Variants in CD6 observed in about 807,000 individuals in gnomAD.
CD6 encodes CD6 molecule.
Under a neutral mutation model 75.3 loss-of-function variants are expected in CD6, and 53 were observed. That is an observed-to-expected ratio of 0.70 (90% CI 0.56 to 0.88). CD6 has a LOEUF of 0.88. Among genes scored for constraint, CD6 ranks in the 40% least tolerant of loss-of-function variants. CD6 has a pLI of 0.00. For synonymous variants in CD6, 359 were observed against 381.5 expected, an observed-to-expected ratio of 0.94 and a Z score of 0.69; for missense variants, 770 against 897.1, an observed-to-expected ratio of 0.86 and a Z score of 1.81.
intron 7 of CD6, 86 bp downstream of exon 7, chr11:61,013,649 A>G (rs894192415): frequency 7.6e-6 from 11 of 1,447,288 alleles, no homozygotes; most frequent in South Asian, 3.7e-5. Flanking sequence ...TGGTCCAGCA[A>G]TGACCACCCG....
At chr11:60,991,145 CTTTCTTTTTTTTTTTTT>C (rs1043366812) in intron 1 of CD6, among the ~76,000 whole-genome samples, 2 of 85,790 alleles carry the variant, frequency 2.3e-5, no homozygotes, top group African/African-American at 1.0e-4. Flanking sequence ...TTTTCTTTTT[CTTTCTTTTTTTTTTTTT>C]TTTTTGAGAC....
intron 6 of CD6, among the ~76,000 whole-genome samples, chr11:61,012,318 C>T (rs753622905): frequency 3.3e-5 from 5 of 152,200 alleles, no homozygotes; most frequent in African/African-American, 4.8e-5. Flanking sequence ...CCAGGGACCA[C>T]ACCCCGGCCC....
intron 9 of CD6, among the ~76,000 whole-genome samples, chr11:61,016,328 A>G (rs1859404016): frequency 6.6e-6 from 1 of 152,210 alleles, no homozygotes; most frequent in African/African-American, 2.4e-5. Flanking sequence ...AAGAGGAAAG[A>G]TAACGCTGAA....
At chr11:61,018,773 G>A (rs949208374) in intron 12 of CD6, 25 of 273,070 alleles carry the variant, frequency 9.2e-5, no homozygotes, top group African/African-American at 4.7e-4. Flanking sequence ...AGCTATGATC[G>A]TATCACTGTG....
intron 3 of CD6, among the ~76,000 whole-genome samples, chr11:61,008,119 CTCCACCCCCACACTTGGT>C (rs1310006689): frequency 6.6e-6 from 1 of 152,128 alleles, no homozygotes; most frequent in Non-Finnish European, 1.5e-5. Context: ...GGCCTCCAGA[CTCCACCCCCACACTTGGT>C]TCCTAGTCCC....
chr11:61,009,817 C>G lies in CD6; in HGVS notation c.1027C>G (p.Arg343Gly), dbSNP rs762986173. The change falls in exon 5 of 13, where the codon CGG becomes GGG. Residue 343 changes from arginine to glycine, a missense_variant. Physicochemically the swap from Arg to Gly is moderately radical, Grantham distance 125. Coordinates refer to ENST00000313421, the MANE Select transcript of CD6 (RefSeq NM_006725.5). ...GCTCACCCTCTCCAACTGCTCCTGGCGGTTCAACAACTCCAACCTCTGCAG... is the reference window on the plus strand; with the variant it reads ...GCTCACCCTCTCCAACTGCTCCTGGGGGTTCAACAACTCCAACCTCTGCAG... Reference protein sequence around the residue: ...EELTLSNCSWRFNNSNLCSQS... With the variant: ...EELTLSNCSWGFNNSNLCSQS... The G allele has an allele frequency of 6.3e-7, 1 of 1,596,370 alleles. No individual in the cohort carries two copies. The highest frequency in any genetic ancestry group is 1.1e-5 in the South Asian group (1 of 88,206).
At chr11:60,994,221 G>T (rs1371613052) in intron 1 of CD6, among the ~76,000 whole-genome samples, 1 of 152,052 alleles carries the variant, frequency 6.6e-6, no homozygotes, top group Non-Finnish European at 1.5e-5. Context: ...CAGGGGGATT[G>T]CTTGAGCTTA....
intron 1 of CD6, among the ~76,000 whole-genome samples, chr11:60,988,873 C>T (rs1019890424): frequency 6.6e-6 from 1 of 152,200 alleles, no homozygotes; most frequent in Non-Finnish European, 1.5e-5. Context: ...GGGCAGGCCC[C>T]CTGGAAAATC....
intron 1 of CD6, among the ~76,000 whole-genome samples, chr11:60,988,413 A>G (rs2135058114): frequency 6.6e-6 from 1 of 152,326 alleles, no homozygotes; most frequent in East Asian, 1.9e-4. Flanking sequence ...GGTGGCCACA[A>G]AGCATTAGTC....
At chr11:60,986,583 C>T (rs918739798) in intron 1 of CD6, among the ~76,000 whole-genome samples, 14 of 152,232 alleles carry the variant, frequency 9.2e-5, no homozygotes, top group African/African-American at 3.4e-4. Context: ...ACCATGTCAA[C>T]ATAGTGTTGA....
chr11:60,972,665 C>A (rs1459706930), intron 1 of CD6, among the ~76,000 whole-genome samples: 1 of 152,184 alleles, frequency 6.6e-6, no homozygotes, highest in Non-Finnish European at 1.5e-5. Context: ...CGAGCTCTCA[C>A]ATTTTGGGAT....
At chr11:60,977,012 A>G (rs1318622132) in intron 1 of CD6, among the ~76,000 whole-genome samples, 1 of 152,086 alleles carries the variant, frequency 6.6e-6, no homozygotes, top group East Asian at 1.9e-4. Context: ...CAGGTCAATG[A>G]CTGATGACAG....
intron 1 of CD6, among the ~76,000 whole-genome samples, chr11:60,973,200 C>T (rs1027451157): frequency 6.6e-6 from 1 of 152,236 alleles, no homozygotes; most frequent in Admixed American, 6.5e-5. Flanking sequence ...GGGCCAGGGG[C>T]TGAGCTAGGC....
At chr11:60,999,015 G>A (rs542047649) in intron 1 of CD6, among the ~76,000 whole-genome samples, 47 of 152,136 alleles carry the variant, frequency 3.1e-4, no homozygotes, top group African/African-American at 9.9e-4. Flanking sequence ...TAAATTAGGC[G>A]GGCATGGTGG....
intron 1 of CD6, among the ~76,000 whole-genome samples, chr11:60,979,095 G>A (rs1411322855): frequency 6.6e-6 from 1 of 152,184 alleles, no homozygotes; most frequent in African/African-American, 2.4e-5. Flanking sequence ...CCTGAGCTTG[G>A]GTCTCCCAGC....
chr11:61,006,728 G>T, intron 2 of CD6, 86 bp downstream of exon 2: 1 of 1,115,412 alleles, frequency 9.0e-7, no homozygotes, highest in East Asian at 2.6e-5. Context: ...TGGACATTTA[G>T]GATACCAGGG....
In CD6 at chr11:60,982,418, G is replaced by T. The variant is rs535930799; in HGVS notation, c.49+10504G>T. On this transcript the variant is annotated intron_variant, in intron 1 of 12. Transcript: ENST00000313421. ...AGAGCTGGGAGCAGAGTCACTTCTG[G>T]TCACTGGGGTTTGGAGGGAGGATGT... is the stretch of plus-strand genomic sequence containing the variant. 9.2e-5 allele frequency among the ~76,000 whole-genome samples: 14 copies of T among 152,296 alleles called. 1 individual carries two copies. The South Asian group carries it at 2.9e-3, about 32-fold the overall frequency.
chr11:60,977,627 T>C (rs1462609683), intron 1 of CD6, among the ~76,000 whole-genome samples: 1 of 152,092 alleles, frequency 6.6e-6, no homozygotes, highest in Non-Finnish European at 1.5e-5. Context: ...ATTTCCCTCC[T>C]TTTTCTTTCT....
At chr11:61,008,869 C>A in intron 4 of CD6, 24 bp downstream of exon 4, 8 of 1,502,206 alleles carry the variant, frequency 5.3e-6, no homozygotes, top group Non-Finnish European at 7.1e-6. Context: ...GTCACTGAAG[C>A]CCGGTCACTA....
Sources: gnomAD v4.1 joint callset for allele counts (sites outside exome capture counted in the v4.1 genomes callset) on GRCh38, gnomAD v4.1.1 for gene constraint, MANE v1.5 for transcripts, NCBI Gene and HGNC (gene_info 2026-07-23, HGNC 2026-07-21) for gene names.